PCDH9: variants seen among roughly 807,000 people sequenced by gnomAD.
PCDH9 encodes protocadherin 9, also known as protocadherin-9.
PCDH9 carries 24 observed loss-of-function variants against 70.6 expected under a neutral mutation model. The ratio of observed to expected loss-of-function variants is 0.34; its 90% CI spans 0.25 to 0.48. The LOEUF (loss-of-function observed/expected upper bound fraction) is 0.48. PCDH9 is among the 20% of genes least tolerant of loss of function. PCDH9 has a pLI of 0.99. For synonymous variants in PCDH9, 562 were observed against 558.5 expected (o/e 1.01, Z -0.09); for missense variants, 1,281 against 1,503.6 (o/e 0.85, Z 2.45).
chr13:66,602,010 A>T (rs1593760420), intron 4 of PCDH9, among the ~76,000 whole-genome samples: 1 of 144,676 alleles, frequency 6.9e-6, no homozygotes, highest in Non-Finnish European at 1.6e-5. Context: ...TCTACTTATT[A>T]AAAAAAAAGT....
intron 2 of PCDH9, among the ~76,000 whole-genome samples, chr13:66,918,214 A>G (rs2082586115): frequency 6.6e-6 from 1 of 151,290 alleles, no homozygotes; most frequent in South Asian, 2.1e-4. Flanking sequence ...AATAGAGAGG[A>G]AGAGAGAGGG....
intron 2 of PCDH9, among the ~76,000 whole-genome samples, chr13:67,058,089 T>C (rs960670889): frequency 1.3e-5 from 2 of 152,204 alleles, no homozygotes; most frequent in African/African-American, 2.4e-5. Flanking sequence ...TTATATTATC[T>C]GATATTTTCT....
chr13:66,889,197 T>C (rs1271404900), intron 3 of PCDH9, among the ~76,000 whole-genome samples: 1 of 152,214 alleles, frequency 6.6e-6, no homozygotes, highest in African/African-American at 2.4e-5. Flanking sequence ...CTGAGGTTTA[T>C]TGAGAAAGTC....
At chr13:66,418,874 T>C (rs1957510455) in intron 4 of PCDH9, among the ~76,000 whole-genome samples, 1 of 151,704 alleles carries the variant, frequency 6.6e-6, no homozygotes, top group South Asian at 2.1e-4. Context: ...GACAAAAGAA[T>C]CAAATAGACA....
chr13:67,015,129 A>G (rs2084533934), intron 2 of PCDH9, among the ~76,000 whole-genome samples: 1 of 152,038 alleles, frequency 6.6e-6, no homozygotes, highest in Admixed American at 6.6e-5. Flanking sequence ...CTGGCTCCTC[A>G]TTTACCACCT....
chr13:66,637,142 T>C (rs1308658315), intron 3 of PCDH9, among the ~76,000 whole-genome samples: 1 of 152,150 alleles, frequency 6.6e-6, no homozygotes, highest in African/African-American at 2.4e-5. Context: ...CCATCTTAAA[T>C]CAATGCATGC....
intron 3 of PCDH9, among the ~76,000 whole-genome samples, chr13:66,863,398 T>C (rs1318142731): frequency 6.6e-6 from 1 of 152,004 alleles, no homozygotes; most frequent in African/African-American, 2.4e-5. Flanking sequence ...TCCCAGAAAA[T>C]CGATTTATGA....
intron 2 of PCDH9, among the ~76,000 whole-genome samples, chr13:67,119,810 C>T (rs1023668070): frequency 2.6e-5 from 4 of 152,018 alleles, no homozygotes; most frequent in African/African-American, 7.2e-5. Context: ...GACAGACATC[C>T]TTAGGGCTTT....
rs929154119 is a variant in PCDH9 at position 66,695,796 on chromosome 13, T to C, written c.3139-64385A>G. ...TAATGCCCTGAACTTGAATGTGAGA[T>C]TAAATGTAGTTCACATAATATTAGT... On this transcript the variant is annotated intron_variant, in intron 3 of 4. Transcript: ENST00000377865. Among the ~76,000 whole-genome samples the C allele has an allele frequency of 6.6e-5, 10 of 152,282 alleles. No individual in the cohort carries two copies. In the East Asian group the frequency reaches 9.7e-4, roughly 15 times the overall value.
At chr13:66,318,659 A>G (rs1025688076) in intron 4 of PCDH9, among the ~76,000 whole-genome samples, 5 of 152,172 alleles carry the variant, frequency 3.3e-5, no homozygotes, top group African/African-American at 1.2e-4. Context: ...ATTGCCATGA[A>G]ATCCTGTATC....
At chr13:66,919,489 A>C in intron 2 of PCDH9, among the ~76,000 whole-genome samples, 1 of 151,236 alleles carries the variant, frequency 6.6e-6, no homozygotes, top group East Asian at 1.9e-4. Flanking sequence ...CAGGTAATAG[A>C]TTCTTAAAAC....
intron 2 of PCDH9, among the ~76,000 whole-genome samples, chr13:67,073,937 G>C (rs1291834647): frequency 6.6e-6 from 1 of 151,830 alleles, no homozygotes; most frequent in Admixed American, 6.6e-5. Context: ...GTAACACTTG[G>C]GGCCTTAACC....
intron 2 of PCDH9, chr13:67,216,689 TATATATATATATATATATGG>T (rs1286971866): frequency 1.4e-5 from 2 of 139,624 alleles, no homozygotes; most frequent in African/African-American, 2.6e-5. Context: ...GCAACATATA[TATATATATATATATATATGG>T]ATATATATAC....
intron 2 of PCDH9, among the ~76,000 whole-genome samples, chr13:67,073,885 G>A (rs766184943): frequency 1.6e-4 from 24 of 151,692 alleles, no homozygotes; most frequent in Non-Finnish European, 2.4e-4. Flanking sequence ...TCTACTAAAC[G>A]TCTACCTCTT....
chr13:66,747,500 G>C (rs1459356593), intron 3 of PCDH9, among the ~76,000 whole-genome samples: 1 of 152,074 alleles, frequency 6.6e-6, no homozygotes, highest in African/African-American at 2.4e-5. Flanking sequence ...AACAGATAAA[G>C]GATCCGTTTA....
At chr13:67,208,683 T>C (rs1232871017) in intron 2 of PCDH9, 1 of 152,146 alleles carries the variant, frequency 6.6e-6, no homozygotes, top group Non-Finnish European at 1.5e-5. Flanking sequence ...AAAAAAAATG[T>C]AAGTACATTT....
chr13:66,848,547 T>C (rs1351770968), intron 3 of PCDH9, among the ~76,000 whole-genome samples: 1 of 152,146 alleles, frequency 6.6e-6, no homozygotes, highest in Non-Finnish European at 1.5e-5. Context: ...TAAATATAAA[T>C]AGCACTCTAC....
intron 4 of PCDH9, among the ~76,000 whole-genome samples, chr13:66,530,995 T>C (rs1056839864): frequency 6.6e-6 from 1 of 152,096 alleles, no homozygotes; most frequent in Non-Finnish European, 1.5e-5. Flanking sequence ...TTTTAAATCA[T>C]CCATTGTGTT....
chr13:66,800,094 A>C (rs1467805904), intron 3 of PCDH9, among the ~76,000 whole-genome samples: 1 of 152,152 alleles, frequency 6.6e-6, no homozygotes, highest in Admixed American at 6.6e-5. Context: ...GGTTTCACAT[A>C]ATATTTAGAA....
Sources: gnomAD v4.1 joint callset for allele counts (sites outside exome capture counted in the v4.1 genomes callset) on GRCh38, gnomAD v4.1.1 for gene constraint, MANE v1.5 for transcripts, NCBI Gene and HGNC (gene_info 2026-07-23, HGNC 2026-07-21) for gene names.